The following OSBPL5 variants were observed in gnomAD, a reference collection of about 807,000 sequenced individuals.
The protein encoded by OSBPL5 is oxysterol-binding protein-related protein 5.
A neutral mutation model predicts 111.2 loss-of-function variants in OSBPL5; 71 were observed. The ratio of observed to expected loss-of-function variants is 0.64; its 90% CI spans 0.53 to 0.78. OSBPL5 has a LOEUF of 0.78. Ranked by LOEUF, OSBPL5 falls within the 30% of genes least tolerant of loss-of-function variation. OSBPL5 has a pLI of 0.00. For missense variants in OSBPL5, 1,210 were observed against 1,189.3 expected (o/e 1.02, Z -0.26); for synonymous variants, 549 against 513.9 (o/e 1.07, Z -0.93).
intron 1 of OSBPL5, among the ~76,000 whole-genome samples, chr11:3,147,068 C>T (rs1418481250): frequency 6.6e-6 from 1 of 152,028 alleles, no homozygotes; most frequent in Non-Finnish European, 1.5e-5. Context: ...CAGTCACCCT[C>T]ACGTCCTGGG....
rs539942067 is a variant in OSBPL5 at position 3,093,601 on chromosome 11, G to A, written c.1872C>T (p.Ser624=). Residue 624 remains serine (S), a synonymous_variant, in exon 17 of 22, where the codon AGC becomes AGT. Transcript: ENST00000263650. ...TCAGCCTCTGTCTGCGGACCTCCCC[G>A]CTCGGGGTCCAGAAAAGCGCACTGC... ...SGSSALFWTP[S]GEVRRQRLRQ... 5.1e-5 allele frequency: 82 copies of A among 1,612,784 alleles called. No individual in the cohort carries two copies. In the South Asian group the frequency reaches 7.8e-4, roughly 15 times the overall value.
chr11:3,125,277 C>T (rs534012879), intron 3 of OSBPL5, among the ~76,000 whole-genome samples: 22 of 152,266 alleles, frequency 1.4e-4, no homozygotes, highest in African/African-American at 2.4e-4. Context: ...AGGAAGTAGT[C>T]GCAAATCATG....
chr11:3,123,173 A>G (rs1439360576), intron 3 of OSBPL5, among the ~76,000 whole-genome samples: 1 of 152,226 alleles, frequency 6.6e-6, no homozygotes, highest in African/African-American at 2.4e-5. Context: ...TCTTGGAGGC[A>G]GAAGGGGGCC....
intron 14 of OSBPL5, among the ~76,000 whole-genome samples, chr11:3,098,330 T>C (rs1220368707): frequency 6.6e-6 from 1 of 150,428 alleles, no homozygotes; most frequent in Non-Finnish European, 1.5e-5. Context: ...CTAGGAAAAA[T>C]GGAGAAATCA....
chr11:3,097,186 G>C (rs1218933817), intron 14 of OSBPL5, among the ~76,000 whole-genome samples: 1 of 150,006 alleles, frequency 6.7e-6, no homozygotes, highest in Non-Finnish European at 1.5e-5. Flanking sequence ...GGCATTTGTC[G>C]ATCTGAGATC....
At position 3,126,361 on chromosome 11, in the gene OSBPL5, G is replaced by C; in HGVS notation, c.219+112C>G. 1.0e-6 allele frequency: 1 copy of C among 963,562 alleles called. No individual in the cohort carries two copies. The highest frequency in any genetic ancestry group is 3.0e-5 in the Admixed American group (1 of 32,882). 59.7% of individuals were successfully genotyped at this position (963,562 alleles called of 1,614,324 possible). A position where few individuals can be genotyped will look rare whatever the true frequency, so the allele number is the denominator to read the frequency against. On this transcript the variant is annotated intron_variant, in intron 3 of 21. Transcript: ENST00000263650. This position sits in a 1 kb window ranked among gnomAD's most constrained non-coding sequence, Gnocchi z 6.5. ...GATTGGGAGCTGTTTCCCCCGAACA[G>C]GCTGGAATGGCAGGCTCAGCTGGAC...
intron 14 of OSBPL5, chr11:3,094,549 AGGTGCGGAGC>A: frequency 4.1e-6 from 1 of 245,188 alleles, no homozygotes; most frequent in Non-Finnish European, 7.2e-6. Context: ...GGAGCCTGGG[AGGTGCGGAGC>A]CTGGGAGGCA....
chr11:3,097,976 G>A (rs1857330752), intron 14 of OSBPL5, among the ~76,000 whole-genome samples: 1 of 152,168 alleles, frequency 6.6e-6, no homozygotes, highest in Non-Finnish European at 1.5e-5. Context: ...GCTGAGGCAG[G>A]AGAATTGCTT....
At chr11:3,100,462 C>T (rs72844063) in intron 13 of OSBPL5, among the ~76,000 whole-genome samples, 14,056 of 152,266 alleles carry the variant, frequency 0.092, 859 homozygotes, top group Non-Finnish European at 0.14. Flanking sequence ...GACATCTGTG[C>T]TGAGAAGTTA....
At position 3,092,850 on chromosome 11, in the gene OSBPL5, GCTTTGTCGGCA is replaced by G. The variant is rs777862777; in HGVS notation, c.2132+6_2132+16del. ...CCAGCCCCACCCTGTGGCCCCCAGG[GCTTTGTCGGCA>G]CTCACTCCTCGTATCGGTAGTGCCA... On this transcript the variant is annotated splice_donor_region_variant and intron_variant, in intron 18 of 21. Coordinates refer to ENST00000263650, the MANE Select transcript of OSBPL5 (RefSeq NM_020896.4). This position sits in a 1 kb window ranked among gnomAD's most constrained non-coding sequence, Gnocchi z 5.4. 708 of 1,516,328 alleles carry G rather than the reference GCTTTGTCGGCA, an allele frequency of 4.7e-4. No homozygotes were observed. The highest frequency in any genetic ancestry group is 5.7e-4 in the Non-Finnish European group (643 of 1,124,592). 93.9% of individuals were successfully genotyped at this position (1,516,328 alleles called of 1,614,324 possible). A position where few individuals can be genotyped will look rare whatever the true frequency, so the allele number is the denominator to read the frequency against.
chr11:3,123,738 T>C (rs181684949), intron 3 of OSBPL5, among the ~76,000 whole-genome samples: 9 of 152,352 alleles, frequency 5.9e-5, no homozygotes, highest in South Asian at 2.1e-4. Flanking sequence ...GCTAAAGCCT[T>C]GTCTGCTGGG....
At position 3,124,811 on chromosome 11, in the gene OSBPL5, A is replaced by AATGGATGGATGGATGG. The variant is rs71035488; in HGVS notation, c.219+1646_219+1661dup. On this transcript the variant is annotated intron_variant, in intron 3 of 21. Transcript: ENST00000263650. ...AGCATCTCGAATGAATGAATGGATGAATGGATGGATGGATGGATGGATGGA... is the reference window on the plus strand; with the variant it reads ...AGCATCTCGAATGAATGAATGGATGAATGGATGGATGGATGGATGGATGGATGGATGGATGGATGGA... Among the ~76,000 whole-genome samples, 463 of 150,776 alleles carry AATGGATGGATGGATGG rather than the reference A, an allele frequency of 3.1e-3. 1 individual carries two copies. The highest frequency in any genetic ancestry group is 6.7e-3 in the African/African-American group (274 of 41,010).
intron 1 of OSBPL5, among the ~76,000 whole-genome samples, chr11:3,156,401 C>A (rs1460214571): frequency 6.6e-6 from 1 of 152,206 alleles, no homozygotes; most frequent in South Asian, 2.1e-4. Flanking sequence ...GCGACTCTAA[C>A]ACGATCAGAA....
Position 3,109,638 on chromosome 11 carries a change from T to C in OSBPL5, c.692-1693A>G, listed in dbSNP as rs1564835567. Among the ~76,000 whole-genome samples, 1 of 151,936 alleles carries C rather than the reference T, an allele frequency of 6.6e-6. No individual in the cohort carries two copies. The highest frequency in any genetic ancestry group is 1.5e-5 in the Non-Finnish European group (1 of 67,984). ...TGCCCTTCTCATTGGGTTGGGGGGATATCTGGGATCCTGCTGGTTCCACTG... is the reference window on the plus strand; with the variant it reads ...TGCCCTTCTCATTGGGTTGGGGGGACATCTGGGATCCTGCTGGTTCCACTG... On this transcript the variant is annotated intron_variant, in intron 7 of 21. Transcript: ENST00000263650. This position sits in a 1 kb window ranked among gnomAD's most constrained non-coding sequence, Gnocchi z 7.4.
chr11:3,092,885 C>T lies in OSBPL5; in HGVS notation c.2114G>A (p.Trp705Ter), dbSNP rs1289105951. 1.9e-6 allele frequency: 3 copies of T among 1,550,988 alleles called. No individual in the cohort carries two copies. Among genetic ancestry groups the T allele is most frequent in the Admixed American group, 2.0e-5 (1 of 51,052 alleles). The stretch of plus-strand genomic sequence containing the variant: ...CACTCACTCCTCGTATCGGTAGTGC[C>T]ACTCCTGGGTGATGGGGTCCAGGTG... Reference protein sequence around the residue: ...LFHLDPITQEWHYRYEDHSPW... With the variant: ...LFHLDPITQE Residue 705 changes from tryptophan (W) to a stop codon, truncating the protein, a stop_gained, in exon 18 of 22, where the codon TGG becomes TAG. Coordinates refer to ENST00000263650, the MANE Select transcript of OSBPL5 (RefSeq NM_020896.4). LOFTEE classifies it high-confidence loss of function. The surrounding 1 kb of genome is among the most constrained non-coding windows in gnomAD (Gnocchi z 5.4).
Position 3,107,236 on chromosome 11 carries a change from T to C in OSBPL5, c.1059+27A>G. The C allele has an allele frequency of 6.2e-7, 1 of 1,604,744 alleles. No homozygotes were observed. Among genetic ancestry groups the C allele is most frequent in the Non-Finnish European group, 8.5e-7 (1 of 1,176,612 alleles). On this transcript the variant is annotated intron_variant, in intron 9 of 21. Coordinates refer to ENST00000263650, the MANE Select transcript of OSBPL5 (RefSeq NM_020896.4). The surrounding 1 kb of genome is among the most constrained non-coding windows in gnomAD (Gnocchi z 6.1). ...AAGGGGCCGAGGCAGGGGAGACGCTTGGGGCTCCTGGCTGGGGGGCTCTCA... is the reference window on the plus strand; with the variant it reads ...AAGGGGCCGAGGCAGGGGAGACGCTCGGGGCTCCTGGCTGGGGGGCTCTCA...
At position 3,100,971 on chromosome 11, in the gene OSBPL5, CTTTTTT is replaced by C. The variant is rs1196891233; in HGVS notation, c.1522+626_1522+631del. The stretch of plus-strand genomic sequence containing the variant: ...AGGGACTGCAGTTTCAGTTTCATTT[CTTTTTT>C]TTTTTTTTTTTTTTTGAGACAGAGT... On this transcript the variant is annotated intron_variant, in intron 13 of 21. Coordinates refer to ENST00000263650, the MANE Select transcript of OSBPL5 (RefSeq NM_020896.4). Among the ~76,000 whole-genome samples the C allele has an allele frequency of 2.0e-4, 25 of 123,424 alleles. No homozygotes were observed. The South Asian group carries it at 2.7e-3, about 13-fold the overall frequency. The allele number at this position is 123,424 out of a possible 152,430, so 81.0% of individuals were successfully genotyped here.
rs577675935 is a variant in OSBPL5, at chr11:3,103,999, G to A, written c.1244+194C>T. Among the ~76,000 whole-genome samples, 56 of 152,294 alleles carry A rather than the reference G, an allele frequency of 3.7e-4. No individual in the cohort carries two copies. The South Asian group carries it at 8.1e-3, about 22-fold the overall frequency. ...TTGGGACTGACCCCCCTCTCACCACGGATGGCTGGCTCCTCCCAGGCCCAT... is the reference window on the plus strand; with the variant it reads ...TTGGGACTGACCCCCCTCTCACCACAGATGGCTGGCTCCTCCCAGGCCCAT... On this transcript the variant is annotated intron_variant, in intron 10 of 21. Coordinates refer to ENST00000263650, the MANE Select transcript of OSBPL5 (RefSeq NM_020896.4).
chr11:3,093,870 C>T (rs113189224), intron 15 of OSBPL5, 35 bp from the exon 16 acceptor site: 179,836 of 1,590,314 alleles, frequency 0.11, 11,201 homozygotes, highest in Non-Finnish European at 0.13. Context: ...GCCCAGTGAG[C>T]GGGGGCTGGG....
Sources: allele counts gnomAD v4.1 joint callset (sites outside exome capture counted in the v4.1 genomes callset), GRCh38; gene constraint gnomAD v4.1.1; non-coding constraint Gnocchi (gnomAD v3.1); transcripts MANE v1.5; gene names NCBI Gene and HGNC (gene_info 2026-07-23, HGNC 2026-07-21).